The following NTM variants were observed in gnomAD, a reference collection of about 807,000 sequenced individuals.
NTM encodes IgLON family member 2.
Under a neutral mutation model 42.1 loss-of-function variants are expected in NTM, and 13 were observed. That is an observed-to-expected ratio of 0.31 (90% confidence interval 0.20 to 0.49). The LOEUF (loss-of-function observed/expected upper bound fraction) is 0.49. Ranked by LOEUF, NTM falls within the 20% of genes least tolerant of loss-of-function variation. NTM has a pLI of 0.99. For missense variants in NTM, 373 were observed against 452.8 expected (o/e 0.82, Z 1.60); for synonymous variants, 187 against 179.2 (o/e 1.04, Z -0.35).
chr11:131,887,431 T>C (rs1565680833), intron 1 of NTM, among the ~76,000 whole-genome samples: 1 of 152,170 alleles, frequency 6.6e-6, no homozygotes, highest in Non-Finnish European at 1.5e-5. Context: ...TCTGGCTTCT[T>C]CTCCTGCCAT....
rs139072548 is a variant in NTM, at chr11:131,873,668, T to C, written c.83-37896T>C. The stretch of plus-strand genomic sequence containing the variant: ...ATATATACACACATATATATACACA[T>C]ATATATATACACACATATATATACA... On this transcript the variant is annotated intron_variant, in intron 1 of 8. Transcript: ENST00000683400. Among the ~76,000 whole-genome samples the C allele has an allele frequency of 3.3e-3, 343 of 105,304 alleles. 23 individuals are homozygous for C. Among genetic ancestry groups the C allele is most frequent in the Middle Eastern group, 0.014 (3 of 220 alleles). The allele number at this position is 105,304 out of a possible 152,430, so 69.1% of individuals were successfully genotyped here. A position where few individuals can be genotyped will look rare whatever the true frequency, so the allele number is the denominator to read the frequency against.
At chr11:132,334,035 C>G (rs1352885702) in intron 8 of NTM, among the ~76,000 whole-genome samples, 1 of 152,194 alleles carries the variant, frequency 6.6e-6, no homozygotes, top group African/African-American at 2.4e-5. Flanking sequence ...CTTTAAATAC[C>G]TCTATTAAAT....
At chr11:132,090,686 A>G (rs1430073266) in intron 2 of NTM, among the ~76,000 whole-genome samples, 4 of 147,968 alleles carry the variant, frequency 2.7e-5, no homozygotes, top group Non-Finnish European at 6.0e-5. Context: ...CCCTTTCTTC[A>G]CTTTCTTCCC....
chr11:131,748,128 A>G (rs576942113), intron 1 of NTM, among the ~76,000 whole-genome samples: 4 of 152,236 alleles, frequency 2.6e-5, no homozygotes, highest in Non-Finnish European at 5.9e-5. Context: ...AGAATTGTAC[A>G]TGCTTGGTCA....
chr11:132,294,111 G>A (rs2094538621), intron 4 of NTM, among the ~76,000 whole-genome samples: 1 of 152,140 alleles, frequency 6.6e-6, no homozygotes, highest in Non-Finnish European at 1.5e-5. Flanking sequence ...ACCTCCCGAA[G>A]GTGTCACTAT....
intron 1 of NTM, among the ~76,000 whole-genome samples, chr11:131,657,744 A>G (rs1329482782): frequency 6.6e-6 from 1 of 152,218 alleles, no homozygotes; most frequent in Non-Finnish European, 1.5e-5. Context: ...TTTATCTGCA[A>G]ATTCCACATT....
intron 4 of NTM, among the ~76,000 whole-genome samples, chr11:132,278,880 G>A (rs773586826): frequency 1.4e-4 from 21 of 151,286 alleles, no homozygotes; most frequent in Admixed American, 6.6e-4. Context: ...ATTCAACCCC[G>A]CAGCTATAAC....
At chr11:131,863,074 T>C (rs2046809991) in intron 1 of NTM, among the ~76,000 whole-genome samples, 1 of 152,236 alleles carries the variant, frequency 6.6e-6, no homozygotes, top group Admixed American at 6.5e-5. Flanking sequence ...TGGTACCATA[T>C]TGACTTCCTC....
At chr11:132,313,188 C>T (rs2095328524) in intron 6 of NTM, among the ~76,000 whole-genome samples, 1 of 152,082 alleles carries the variant, frequency 6.6e-6, no homozygotes, top group East Asian at 1.9e-4. Context: ...CACTGTGACC[C>T]AGGGATGGGC....
chr11:131,482,440 A>G (rs896211285), intron 1 of NTM, among the ~76,000 whole-genome samples: 1 of 152,204 alleles, frequency 6.6e-6, no homozygotes, highest in Non-Finnish European at 1.5e-5. Flanking sequence ...CAGATCGACA[A>G]AAGCGTGACA....
At chr11:131,720,356 C>A (rs1236741551) in intron 1 of NTM, among the ~76,000 whole-genome samples, 2 of 152,164 alleles carry the variant, frequency 1.3e-5, no homozygotes, top group South Asian at 4.1e-4. Context: ...CCTAGAGAAT[C>A]TTTACCTTTG....
intron 4 of NTM, among the ~76,000 whole-genome samples, chr11:132,221,421 C>T (rs912101807): frequency 1.2e-4 from 19 of 152,032 alleles, no homozygotes; most frequent in African/African-American, 4.6e-4. Flanking sequence ...GCTAATGGGC[C>T]CAGGCTAATG....
At chr11:131,497,783 A>G (rs2136337359) in intron 1 of NTM, among the ~76,000 whole-genome samples, 1 of 152,056 alleles carries the variant, frequency 6.6e-6, no homozygotes, top group Non-Finnish European at 1.5e-5. Context: ...CTTGTTCTTT[A>G]TGTCTCCTTG....
intron 4 of NTM, among the ~76,000 whole-genome samples, chr11:132,241,297 TATA>T (rs2139213179): frequency 6.6e-6 from 1 of 152,282 alleles, no homozygotes; most frequent in South Asian, 2.1e-4. Context: ...CAAATTTATA[TATA>T]ATGTTTTTTC....
intron 3 of NTM, among the ~76,000 whole-genome samples, chr11:132,149,536 G>T (rs898524753): frequency 1.3e-5 from 2 of 152,188 alleles, no homozygotes; most frequent in African/African-American, 2.4e-5. Context: ...GAAGGTAGTG[G>T]CATCTCACAG....
chr11:132,089,570 A>G (rs79344038), intron 2 of NTM, among the ~76,000 whole-genome samples: 1 of 152,216 alleles, frequency 6.6e-6, no homozygotes, highest in African/African-American at 2.4e-5. Flanking sequence ...CACAAAAAAG[A>G]TGAATTTTTT....
At chr11:132,289,770 C>T (rs2094390410) in intron 4 of NTM, among the ~76,000 whole-genome samples, 1 of 152,288 alleles carries the variant, frequency 6.6e-6, no homozygotes, top group South Asian at 2.1e-4. Flanking sequence ...CTACTATCAC[C>T]ACTGCTGCAA....
At chr11:131,676,722 A>C (rs2071474076) in intron 1 of NTM, among the ~76,000 whole-genome samples, 1 of 151,484 alleles carries the variant, frequency 6.6e-6, no homozygotes, top group Admixed American at 6.5e-5. Flanking sequence ...TTAAACCTTC[A>C]AAAATGTAAT....
intron 1 of NTM, among the ~76,000 whole-genome samples, chr11:131,522,044 T>C (rs983835398): frequency 6.6e-6 from 1 of 152,212 alleles, no homozygotes; most frequent in Admixed American, 6.5e-5. Flanking sequence ...CAGGCAGATA[T>C]ATGAAAAGAC....
Sources: allele counts gnomAD v4.1 joint callset (sites outside exome capture counted in the v4.1 genomes callset), GRCh38; gene constraint gnomAD v4.1.1; transcripts MANE v1.5; gene names NCBI Gene and HGNC (gene_info 2026-07-23, HGNC 2026-07-21).